The following INPP4B variants were observed in gnomAD, a reference collection of about 807,000 sequenced individuals.
The protein encoded by INPP4B is inositol polyphosphate-4-phosphatase type II B, also known as inositol polyphosphate 4-phosphatase type II.
In INPP4B, 55 loss-of-function variants were observed where a neutral mutation model predicts 122.5. The ratio of observed to expected loss-of-function variants is 0.45; its 90% confidence interval spans 0.36 to 0.56. INPP4B has a LOEUF of 0.56. Ranked by LOEUF, INPP4B falls within the 20% of genes least tolerant of loss-of-function variation. The probability of loss-of-function intolerance (pLI) is 0.00; values close to 1 mark genes in which losing one functional copy is unlikely to be tolerated. For synonymous variants in INPP4B, 403 were observed against 388.7 expected, an observed-to-expected ratio of 1.04 and a Z score of -0.43; for missense variants, 1,000 against 1,097.7, an observed-to-expected ratio of 0.91 and a Z score of 1.26.
At chr4:142,029,522 G>T (rs1738481915) in intron 25 of INPP4B, 2 of 985,518 alleles carry the variant, frequency 2.0e-6, no homozygotes, top group African/African-American at 3.5e-5. Flanking sequence ...ACAAGACCTT[G>T]TTAAAAAGAA....
intron 2 of INPP4B, among the ~76,000 whole-genome samples, chr4:142,702,493 G>A (rs1761924485): frequency 6.6e-6 from 1 of 152,146 alleles, no homozygotes; most frequent in African/African-American, 2.4e-5. Flanking sequence ...GGGAGGCCAA[G>A]GCGGGCAGAT....
chr4:142,030,042 G>C, intron 25 of INPP4B: 1 of 1,380,456 alleles, frequency 7.2e-7, no homozygotes, highest in South Asian at 1.9e-5. Flanking sequence ...CTGTGAATTT[G>C]AAAATGTAAA....
intron 12 of INPP4B, among the ~76,000 whole-genome samples, chr4:142,232,385 G>A (rs11934541): frequency 0.058 from 8,791 of 152,036 alleles, 870 homozygotes; most frequent in African/African-American, 0.2. Flanking sequence ...CTGTTGCAAT[G>A]TTTTCAATGT....
chr4:142,655,415 C>G (rs1443602117), intron 2 of INPP4B, among the ~76,000 whole-genome samples: 1 of 152,168 alleles, frequency 6.6e-6, no homozygotes, highest in African/African-American at 2.4e-5. Flanking sequence ...TCTTTCAGAC[C>G]TGGCCCAAGT....
At chr4:142,030,290 C>T (rs1455271294) in intron 25 of INPP4B, 1 of 1,534,864 alleles carries the variant, frequency 6.5e-7, no homozygotes, top group Admixed American at 2.0e-5. Flanking sequence ...TCAGTGCTCC[C>T]TGGGTTTGTC....
chr4:142,118,713 C>A (rs569208839), intron 21 of INPP4B, among the ~76,000 whole-genome samples: 1 of 152,098 alleles, frequency 6.6e-6, no homozygotes, highest in Admixed American at 6.6e-5. Context: ...CTAGGCAATA[C>A]CATTCAGGAC....
rs1377364018 is a variant in INPP4B at position 142,782,084 on chromosome 4, A to AACTCATCATTT, written c.-253-56194_-253-56184dup. ...GCCATGCTGGTGTGCTGCACCCATT[A>AACTCATCATTT]ACTCATCATTTAGCATTAGGTATAT... On this transcript the variant is annotated intron_variant, in intron 1 of 25. Coordinates refer to ENST00000262992, the MANE Select transcript of INPP4B (RefSeq NM_001101669.3). Among the ~76,000 whole-genome samples the AACTCATCATTT allele has an allele frequency of 4.6e-5, 7 of 151,892 alleles. No homozygotes were observed. In the East Asian group the frequency reaches 9.7e-4, roughly 21 times the overall value.
chr4:142,603,578 T>C (rs748155790), intron 2 of INPP4B, among the ~76,000 whole-genome samples: 3 of 151,914 alleles, frequency 2.0e-5, no homozygotes, highest in Non-Finnish European at 4.4e-5. Flanking sequence ...GAGACTATTA[T>C]GAACAACTAT....
intron 8 of INPP4B, among the ~76,000 whole-genome samples, chr4:142,309,711 T>C (rs527706862): frequency 2.0e-5 from 3 of 152,202 alleles, no homozygotes; most frequent in Non-Finnish European, 4.4e-5. Flanking sequence ...GACATGCAGC[T>C]CTAGCCTTTC....
intron 1 of INPP4B, among the ~76,000 whole-genome samples, chr4:142,780,285 A>T (rs2151024542): frequency 6.6e-6 from 1 of 152,294 alleles, no homozygotes; most frequent in Non-Finnish European, 1.5e-5. Context: ...AATATCCCAG[A>T]AGAGTGGTCA....
At chr4:142,701,400 TCCAATCA>T (rs1426096616) in intron 2 of INPP4B, among the ~76,000 whole-genome samples, 1 of 150,520 alleles carries the variant, frequency 6.6e-6, no homozygotes, top group African/African-American at 2.5e-5. Flanking sequence ...GCCACATGGA[TCCAATCA>T]GGTCAAGGGC....
intron 15 of INPP4B, among the ~76,000 whole-genome samples, chr4:142,180,126 G>A (rs1329141608): frequency 6.6e-6 from 1 of 152,056 alleles, no homozygotes. Context: ...TTTTTGGGGT[G>A]ACAAAAATGT....
chr4:142,438,376 A>C (rs1432356032), intron 3 of INPP4B, among the ~76,000 whole-genome samples: 5 of 152,202 alleles, frequency 3.3e-5, no homozygotes, highest in Non-Finnish European at 7.3e-5. Flanking sequence ...GGAATATAAT[A>C]GAGACCTCAG....
intron 25 of INPP4B, among the ~76,000 whole-genome samples, chr4:142,052,123 A>G (rs752692230): frequency 6.6e-6 from 1 of 151,996 alleles, no homozygotes; most frequent in African/African-American, 2.4e-5. Flanking sequence ...AGAATAAACT[A>G]TTTTTATCAG....
chr4:142,729,434 G>T (rs758010804), intron 1 of INPP4B, among the ~76,000 whole-genome samples: 1 of 152,218 alleles, frequency 6.6e-6, no homozygotes, highest in Non-Finnish European at 1.5e-5. Context: ...AAAGGAATTT[G>T]TTGGTCCCTA....
intron 25 of INPP4B, among the ~76,000 whole-genome samples, chr4:142,051,573 A>G (rs971729003): frequency 2.0e-5 from 3 of 152,010 alleles, no homozygotes; most frequent in Admixed American, 6.6e-5. Flanking sequence ...AGTCTTACAT[A>G]TAATGTATGT....
At position 142,305,658 on chromosome 4, in the gene INPP4B, A is replaced by G. The variant is rs752067190; in HGVS notation, c.424-121T>C. 3.4e-6 allele frequency: 5 copies of G among 1,487,340 alleles called. No homozygotes were observed. In the South Asian group the frequency reaches 6.3e-5, roughly 19 times the overall value. 92.1% of individuals were successfully genotyped at this position (1,487,340 alleles called of 1,614,324 possible). A position where few individuals can be genotyped will look rare whatever the true frequency, so the allele number is the denominator to read the frequency against. On this transcript the variant is annotated intron_variant, in intron 8 of 25. Coordinates refer to ENST00000262992, the MANE Select transcript of INPP4B (RefSeq NM_001101669.3). ...AATATTAAATCTATTAGCCTGACAAATATTTCAGTAACAGAGATAAAATTA... is the reference window on the plus strand; with the variant it reads ...AATATTAAATCTATTAGCCTGACAAGTATTTCAGTAACAGAGATAAAATTA...
At chr4:142,567,423 GT>G (rs1731858589) in intron 2 of INPP4B, among the ~76,000 whole-genome samples, 2 of 152,080 alleles carry the variant, frequency 1.3e-5, no homozygotes, top group East Asian at 3.9e-4. Context: ...CTCCCAGTGG[GT>G]GGTGAAAGTT....
chr4:142,405,386 T>C (rs1044257864), intron 5 of INPP4B, 62 bp from the exon 6 acceptor site: 4 of 1,014,510 alleles, frequency 3.9e-6, no homozygotes, highest in South Asian at 1.3e-5. Context: ...GGAAAACTTC[T>C]GCGCCGGGCT....
Sources: allele counts gnomAD v4.1 joint callset (sites outside exome capture counted in the v4.1 genomes callset), GRCh38; gene constraint gnomAD v4.1.1; transcripts MANE v1.5; gene names NCBI Gene and HGNC (gene_info 2026-07-23, HGNC 2026-07-21).